The following OXCT1 variants were observed in gnomAD, a reference collection of about 807,000 sequenced individuals.
OXCT1 encodes 3-oxoacid CoA-transferase 1, also known as succinyl-CoA:3-ketoacid coenzyme A transferase 1, mitochondrial.
Under a neutral mutation model 69.6 loss-of-function variants are expected in OXCT1, and 27 were observed. That is an observed-to-expected ratio of 0.39 (90% CI 0.29 to 0.54). The LOEUF (loss-of-function observed/expected upper bound fraction) is 0.54. Ranked by LOEUF, OXCT1 falls within the 20% of genes least tolerant of loss-of-function variation. The pLI is 0.72. For synonymous variants in OXCT1, 202 were observed against 217.8 expected (o/e 0.93, Z 0.64); for missense variants, 437 against 650.2 (o/e 0.67, Z 3.57).
At chr5:41,847,865 G>A (rs1245371729) in intron 5 of OXCT1, among the ~76,000 whole-genome samples, 1 of 149,310 alleles carries the variant, frequency 6.7e-6, no homozygotes, top group Non-Finnish European at 1.5e-5. Context: ...TTTGAAAACT[G>A]GCACAAGACA....
intron 13 of OXCT1, among the ~76,000 whole-genome samples, chr5:41,765,969 A>G (rs1003799348): frequency 1.3e-5 from 2 of 152,288 alleles, no homozygotes; most frequent in East Asian, 1.9e-4. Flanking sequence ...ATATCTTTAA[A>G]TAAGTCACAG....
chr5:41,814,396 A>G (rs889132017), intron 7 of OXCT1, among the ~76,000 whole-genome samples: 13 of 152,004 alleles, frequency 8.6e-5, no homozygotes, highest in African/African-American at 2.7e-4. Flanking sequence ...AAATATTCCA[A>G]ACACCATGCT....
chr5:41,792,165 G>T lies in OXCT1; in HGVS notation c.1248+1838C>A, dbSNP rs959484604. Among the ~76,000 whole-genome samples, 6 of 152,162 alleles carry T rather than the reference G, an allele frequency of 3.9e-5. 1 individual carries two copies. The South Asian group carries it at 1.0e-3, about 26-fold the overall frequency. ...TACTAAGTGTCAAGCTCTGTGCTAT[G>T]TACTTTGTATGCATTGTCACATGTA... On this transcript the variant is annotated intron_variant, in intron 13 of 16. Coordinates refer to ENST00000196371, the MANE Select transcript of OXCT1 (RefSeq NM_000436.4).
chr5:41,841,210 C>G (rs962175627), intron 6 of OXCT1, among the ~76,000 whole-genome samples: 3 of 152,088 alleles, frequency 2.0e-5, no homozygotes, highest in Non-Finnish European at 4.4e-5. Context: ...TGGGAATATA[C>G]GTTGATGGCA....
intron 7 of OXCT1, among the ~76,000 whole-genome samples, chr5:41,826,186 T>C (rs1237746391): frequency 6.6e-6 from 1 of 152,236 alleles, no homozygotes; most frequent in Non-Finnish European, 1.5e-5. Flanking sequence ...TTTATGGACT[T>C]CAAATATTGG....
At chr5:41,769,967 T>A (rs1744805326) in intron 13 of OXCT1, among the ~76,000 whole-genome samples, 1 of 151,926 alleles carries the variant, frequency 6.6e-6, no homozygotes, top group Non-Finnish European at 1.5e-5. Context: ...ACCATGTTGG[T>A]CAGGCTGGTC....
intron 3 of OXCT1, among the ~76,000 whole-genome samples, chr5:41,854,791 G>A (rs1252527672): frequency 6.6e-6 from 1 of 151,998 alleles, no homozygotes; most frequent in East Asian, 1.9e-4. Context: ...ACCAAGTCTC[G>A]ACAAAGATGT....
At chr5:41,822,021 T>C (rs1235810520) in intron 7 of OXCT1, among the ~76,000 whole-genome samples, 1 of 152,236 alleles carries the variant, frequency 6.6e-6, no homozygotes, top group Non-Finnish European at 1.5e-5. Context: ...TTATTTCCGA[T>C]GAGTTTTCTA....
intron 7 of OXCT1, among the ~76,000 whole-genome samples, chr5:41,810,370 C>T (rs1746909274): frequency 1.3e-5 from 2 of 151,958 alleles, no homozygotes; most frequent in African/African-American, 4.8e-5. Context: ...GAATAAAGGA[C>T]AAAGGAAAAG....
chr5:41,839,271 C>T (rs186158772), intron 7 of OXCT1, among the ~76,000 whole-genome samples: 48 of 152,278 alleles, frequency 3.2e-4, no homozygotes, highest in African/African-American at 1.1e-3. Context: ...CAGGATAATG[C>T]ATAACGCCCC....
chr5:41,813,545 T>C (rs1338500794), intron 7 of OXCT1, among the ~76,000 whole-genome samples: 2 of 152,098 alleles, frequency 1.3e-5, no homozygotes, highest in Non-Finnish European at 2.9e-5. Context: ...TTTGATGTCT[T>C]TGTCCTACGC....
At chr5:41,837,668 T>C (rs1025555118) in intron 7 of OXCT1, among the ~76,000 whole-genome samples, 3 of 150,962 alleles carry the variant, frequency 2.0e-5, no homozygotes, top group Non-Finnish European at 4.4e-5. Context: ...TTGTATCTAA[T>C]AGTTAGCAAT....
chr5:41,753,154 T>G (rs1441533058), intron 14 of OXCT1, among the ~76,000 whole-genome samples: 19 of 152,156 alleles, frequency 1.2e-4, no homozygotes. Context: ...CACAACAGAA[T>G]GATTTCTTGC....
chr5:41,842,718 C>A lies in OXCT1; in HGVS notation c.628G>T (p.Val210Leu). Residue 210 changes from valine to leucine, a missense_variant, in exon 6 of 17, where the codon GTG becomes TTG. Around this residue, in one of 4 missense-constraint regions of OXCT1, gnomAD observed 252 missense variants for 397.4 expected, o/e 0.63. Transcript: ENST00000196371. ...EEAITGDFAL[V>L]KAWKADRAGN... ...GCTCGGTCCGCCTTCCAGGCTTTCACCAAAGCAAAATCCCCTGTAATTGCT... is the reference window on the plus strand; with the variant it reads ...GCTCGGTCCGCCTTCCAGGCTTTCAACAAAGCAAAATCCCCTGTAATTGCT... 1 of 1,613,916 alleles carries A rather than the reference C, an allele frequency of 6.2e-7. No homozygotes were observed. Among genetic ancestry groups the A allele is most frequent in the Non-Finnish European group, 8.5e-7 (1 of 1,179,800 alleles).
chr5:41,848,830 T>C (rs954744576), intron 5 of OXCT1, among the ~76,000 whole-genome samples: 1 of 151,982 alleles, frequency 6.6e-6, no homozygotes, highest in Non-Finnish European at 1.5e-5. Context: ...CCATAAAAAC[T>C]CTAGAAGAAA....
chr5:41,838,978 C>G (rs543808648), intron 7 of OXCT1, among the ~76,000 whole-genome samples: 11 of 152,094 alleles, frequency 7.2e-5, no homozygotes, highest in Admixed American at 2.6e-4. Flanking sequence ...GGAGTGGTTG[C>G]GCACATTACT....
intron 13 of OXCT1, among the ~76,000 whole-genome samples, chr5:41,774,397 T>C (rs1207484409): frequency 1.3e-5 from 2 of 152,232 alleles, no homozygotes; most frequent in Non-Finnish European, 2.9e-5. Flanking sequence ...CTTGGTTTTC[T>C]ATATGTCGTT....
chr5:41,793,940 T>A (rs1746051828), intron 13 of OXCT1, 63 bp downstream of exon 13: 2 of 973,424 alleles, frequency 2.1e-6, no homozygotes, highest in Middle Eastern at 2.1e-4. Context: ...GCCCTTTTTC[T>A]TAGTATTTAA....
chr5:41,758,751 C>T (rs533685877), intron 14 of OXCT1, among the ~76,000 whole-genome samples: 2 of 152,258 alleles, frequency 1.3e-5, no homozygotes, highest in Non-Finnish European at 2.9e-5. Flanking sequence ...GCTGCTGCTG[C>T]AGTCAAGGCC....
Sources: allele counts gnomAD v4.1 joint callset (sites outside exome capture counted in the v4.1 genomes callset), GRCh38; gene constraint gnomAD v4.1.1; regional missense constraint gnomAD v4.1.1; transcripts MANE v1.5; gene names NCBI Gene and HGNC (gene_info 2026-07-23, HGNC 2026-07-21).